The following RAD23B variants were observed in gnomAD, a reference collection of about 807,000 sequenced individuals.
RAD23B encodes RAD23 nucleotide excision repair protein B.
RAD23B carries 5 observed loss-of-function variants against 49.1 expected under a neutral mutation model. The ratio of observed to expected loss-of-function variants is 0.10; its 90% CI spans 0.05 to 0.21. RAD23B has a LOEUF of 0.21. Among genes scored for constraint, RAD23B ranks in the 10% least tolerant of loss-of-function variants. The pLI is 1.00. For synonymous variants in RAD23B, 184 were observed against 165.4 expected (o/e 1.11, Z -0.86); for missense variants, 356 against 486.7 (o/e 0.73, Z 2.53).
At chr9:107,306,110 A>G (rs1564245619) in intron 3 of RAD23B, among the ~76,000 whole-genome samples, 2 of 130,526 alleles carry the variant, frequency 1.5e-5, no homozygotes, top group Non-Finnish European at 3.4e-5. Flanking sequence ...TTTATTTTAT[A>G]TTAACTTGAT....
chr9:107,311,844 T>C (rs1826895538), intron 5 of RAD23B, 107 bp downstream of exon 5: 1 of 821,512 alleles, frequency 1.2e-6, no homozygotes, highest in Non-Finnish European at 1.9e-6. Flanking sequence ...TTGTTTATAA[T>C]CAAGCTGTAA....
At chr9:107,289,938 T>C (rs1833348472) in intron 1 of RAD23B, among the ~76,000 whole-genome samples, 2 of 152,184 alleles carry the variant, frequency 1.3e-5, no homozygotes, top group South Asian at 4.1e-4. Context: ...TTGACTTGTC[T>C]TGCTTAAATT....
At chr9:107,325,313 CAAAAAAAAAAAAAAAAAAA>C (rs34042765) in intron 9 of RAD23B, among the ~76,000 whole-genome samples, 1 of 61,376 alleles carries the variant, frequency 1.6e-5, no homozygotes, top group South Asian at 7.2e-4. Context: ...GACTCTGTCT[CAAAAAAAAAAAAAAAAAAA>C]AAAAAAAAAT....
intron 1 of RAD23B, among the ~76,000 whole-genome samples, chr9:107,285,141 G>A (rs1833250157): frequency 6.6e-6 from 1 of 152,156 alleles, no homozygotes; most frequent in Non-Finnish European, 1.5e-5. Flanking sequence ...AAGTACAGGA[G>A]ATCTCAGTTA....
intron 1 of RAD23B, among the ~76,000 whole-genome samples, chr9:107,298,173 C>T (rs998289949): frequency 6.6e-6 from 1 of 152,224 alleles, no homozygotes; most frequent in Admixed American, 6.5e-5. Flanking sequence ...CACCCATGCT[C>T]TGCCATCAGT....
intron 1 of RAD23B, among the ~76,000 whole-genome samples, chr9:107,293,715 A>AT (rs1347317812): frequency 6.6e-6 from 1 of 152,228 alleles, no homozygotes; most frequent in African/African-American, 2.4e-5. Context: ...TCATTATACT[A>AT]TCATAGGAAT....
intron 5 of RAD23B, among the ~76,000 whole-genome samples, chr9:107,314,011 G>C (rs1826942285): frequency 6.6e-6 from 1 of 150,652 alleles, no homozygotes; most frequent in Non-Finnish European, 1.5e-5. Context: ...AAAGTCTCTG[G>C]AATATTTGTT....
In RAD23B at chr9:107,306,645, C is replaced by A; in HGVS notation, c.495C>A (p.Asp165Glu). ...TPVATSPTAT[D>E]STSGDSSRSN... ...TGGCTACTAGCCCAACAGCAACTGA[C>A]AGGTAGGAACTGGATTCTAGGACAT... The change falls in exon 4 of 10, where the codon GAC becomes GAA. Residue 165 changes from aspartate (D) to glutamate (E), a missense_variant and splice_region_variant. Physicochemically the swap from Asp to Glu is conservative, Grantham distance 45 (BLOSUM62 2). This residue lies in a region of RAD23B where 137 missense variants were observed against 122.0 expected (regional missense o/e 1.12). Transcript: ENST00000358015. The A allele has an allele frequency of 6.2e-7, 1 of 1,612,076 alleles. No individual in the cohort carries two copies. The highest frequency in any genetic ancestry group is 8.5e-7 in the Non-Finnish European group (1 of 1,178,670).
At chr9:107,293,037 T>C (rs549400446) in intron 1 of RAD23B, among the ~76,000 whole-genome samples, 34 of 152,344 alleles carry the variant, frequency 2.2e-4, no homozygotes, top group African/African-American at 7.5e-4. Flanking sequence ...GACTTCATTC[T>C]ATGCATTAAA....
At chr9:107,287,959 A>G (rs1440777445) in intron 1 of RAD23B, among the ~76,000 whole-genome samples, 1 of 152,136 alleles carries the variant, frequency 6.6e-6, no homozygotes, top group Non-Finnish European at 1.5e-5. Flanking sequence ...TTGTATTTTC[A>G]ATATAGTCAT....
At chr9:107,313,912 T>TCTCCTTCCTTC (rs779658397) in intron 5 of RAD23B, among the ~76,000 whole-genome samples, 4 of 151,818 alleles carry the variant, frequency 2.6e-5, no homozygotes, top group African/African-American at 4.9e-5. Context: ...TCCTTTCCTT[T>TCTCCTTCCTTC]CTCCTTCCTT....
intron 4 of RAD23B, among the ~76,000 whole-genome samples, chr9:107,308,650 A>G (rs899964876): frequency 6.6e-6 from 1 of 152,234 alleles, no homozygotes; most frequent in Non-Finnish European, 1.5e-5. Flanking sequence ...TCAGTGATCC[A>G]GGAAAGCAGA....
chr9:107,307,221 G>C (rs1280935283), intron 4 of RAD23B, among the ~76,000 whole-genome samples: 2 of 151,930 alleles, frequency 1.3e-5, no homozygotes, highest in African/African-American at 4.8e-5. Context: ...GATCTTTAGG[G>C]GAAAAAAAAG....
chr9:107,288,161 G>A (rs1833313077), intron 1 of RAD23B, among the ~76,000 whole-genome samples: 2 of 152,112 alleles, frequency 1.3e-5, no homozygotes, highest in Non-Finnish European at 2.9e-5. Flanking sequence ...GCACACAGTA[G>A]GCATTTAGTA....
At chr9:107,289,357 G>GT (rs920229818) in intron 1 of RAD23B, among the ~76,000 whole-genome samples, 47 of 151,252 alleles carry the variant, frequency 3.1e-4, no homozygotes, top group African/African-American at 8.7e-4. Context: ...GCTAATTTTA[G>GT]TTTTTTTTTG....
At chr9:107,301,940 C>T (rs1271004826) in intron 2 of RAD23B, 95 bp from the exon 3 acceptor site, 3 of 1,435,426 alleles carry the variant, frequency 2.1e-6, no homozygotes, top group East Asian at 4.9e-5. Flanking sequence ...TTTAATATTT[C>T]TGAAATATTC....
intron 3 of RAD23B, among the ~76,000 whole-genome samples, chr9:107,303,469 A>C (rs1053444813): frequency 3.3e-5 from 5 of 152,218 alleles, no homozygotes; most frequent in African/African-American, 4.8e-5. Flanking sequence ...TAAGTTTAAA[A>C]ACAAGCAGAA....
chr9:107,301,374 C>T (rs992763868), intron 2 of RAD23B, among the ~76,000 whole-genome samples: 9 of 152,122 alleles, frequency 5.9e-5, no homozygotes, highest in South Asian at 2.1e-4. Flanking sequence ...CCTGTGCAAT[C>T]GGAGTATTGA....
chr9:107,316,547 CAG>C (rs1271698410), intron 5 of RAD23B, among the ~76,000 whole-genome samples: 1 of 151,958 alleles, frequency 6.6e-6, no homozygotes, highest in Non-Finnish European at 1.5e-5. Flanking sequence ...CGAATTATAT[CAG>C]TAGATAAGAA....
Sources: allele counts gnomAD v4.1 joint callset (sites outside exome capture counted in the v4.1 genomes callset), GRCh38; gene constraint gnomAD v4.1.1; regional missense constraint gnomAD v4.1.1; transcripts MANE v1.5; gene names NCBI Gene and HGNC (gene_info 2026-07-23, HGNC 2026-07-21).